Variants in DLG2 observed in about 807,000 individuals in gnomAD.
The protein encoded by DLG2 is disks large homolog 2.
Under a neutral mutation model 132.5 loss-of-function variants are expected in DLG2, and 45 were observed. The ratio of observed to expected loss-of-function variants is 0.34; its 90% CI spans 0.27 to 0.44. The LOEUF (loss-of-function observed/expected upper bound fraction) is 0.44, where lower values mean the gene tolerates loss of function less well. DLG2 is among the 20% of genes least tolerant of loss of function. The pLI is 1.00. For synonymous variants in DLG2, 424 were observed against 419.6 expected, an observed-to-expected ratio of 1.01 and a Z score of -0.13; for missense variants, 1,045 against 1,196.9, an observed-to-expected ratio of 0.87 and a Z score of 1.87.
intron 6 of DLG2, among the ~76,000 whole-genome samples, chr11:85,060,583 T>C (rs1237886703): frequency 6.6e-6 from 1 of 151,236 alleles, no homozygotes; most frequent in Non-Finnish European, 1.5e-5. Context: ...ACACCCCCAA[T>C]GGACATTTAG....
intron 6 of DLG2, among the ~76,000 whole-genome samples, chr11:84,553,677 G>T (rs1001904383): frequency 6.6e-6 from 1 of 152,192 alleles, no homozygotes; most frequent in African/African-American, 2.4e-5. Context: ...CCTCTCTTGA[G>T]ATTTAAGATG....
chr11:84,993,160 GA>G (rs2057306228), intron 6 of DLG2, among the ~76,000 whole-genome samples: 1 of 152,110 alleles, frequency 6.6e-6, no homozygotes, highest in Admixed American at 6.5e-5. Flanking sequence ...ACTAACAGAG[GA>G]ACAGAAAACC....
chr11:85,535,700 T>C (rs1015095791), intron 3 of DLG2, among the ~76,000 whole-genome samples: 1 of 152,156 alleles, frequency 6.6e-6, no homozygotes, highest in Admixed American at 6.5e-5. Flanking sequence ...ATAGCAGCAT[T>C]ATTCAAAATA....
intron 15 of DLG2, among the ~76,000 whole-genome samples, chr11:83,902,656 G>A (rs79351761): frequency 0.011 from 1,635 of 152,262 alleles, 9 homozygotes; most frequent in South Asian, 0.021. Flanking sequence ...CTTCCACTGT[G>A]TGGTCCCAGA....
intron 7 of DLG2, among the ~76,000 whole-genome samples, chr11:84,309,373 A>G (rs1338990042): frequency 6.6e-6 from 1 of 152,220 alleles, no homozygotes; most frequent in Non-Finnish European, 1.5e-5. Context: ...TCTGACAATA[A>G]TGACTCTACA....
chr11:84,522,740 C>G (rs1018425166), intron 7 of DLG2, among the ~76,000 whole-genome samples: 10 of 152,270 alleles, frequency 6.6e-5, no homozygotes, highest in African/African-American at 2.2e-4. Context: ...CCAATAGACG[C>G]ATTTAAAAAT....
Position 84,059,425 on chromosome 11 carries a change from T to G in DLG2, c.809A>C (p.Lys270Thr), listed in dbSNP as rs773545055. 1.2e-6 allele frequency: 2 copies of G among 1,613,370 alleles called. No individual in the cohort carries two copies. Among genetic ancestry groups the G allele is most frequent in the Admixed American group, 1.7e-5 (1 of 59,904 alleles). Residue 270 changes from lysine (K) to threonine (T), a missense_variant, in exon 11 of 28, where the codon AAA (lysine) becomes ACA (threonine). Lys to Thr is a moderately conservative substitution (Grantham distance 78). Transcript: ENST00000376104. ...EVDVSEVSHSKAVEALKEAGS... is the reference protein window; with the variant it reads ...EVDVSEVSHSTAVEALKEAGS... ...TGCTTCCTTCAGGGCTTCCACCGCT[T>G]TACTGTGGGAAACCTCTGACACATC...
At chr11:83,739,447 G>T (rs2092316991) in intron 18 of DLG2, among the ~76,000 whole-genome samples, 1 of 152,054 alleles carries the variant, frequency 6.6e-6, no homozygotes, top group Admixed American at 6.6e-5. Flanking sequence ...AGAAAAATAT[G>T]CATTGGAGCC....
At chr11:84,146,691 C>T (rs1310880965) in intron 9 of DLG2, among the ~76,000 whole-genome samples, 2 of 152,108 alleles carry the variant, frequency 1.3e-5, no homozygotes, top group East Asian at 1.9e-4. Context: ...TAAAGTACAA[C>T]TTCAAGATAC....
chr11:83,748,272 A>T (rs1401029916), intron 18 of DLG2, among the ~76,000 whole-genome samples: 2 of 152,200 alleles, frequency 1.3e-5, no homozygotes, highest in African/African-American at 4.8e-5. Context: ...CTAACTATCA[A>T]CCACACCTTG....
At chr11:83,466,328 C>T (rs1287382811) in intron 26 of DLG2, among the ~76,000 whole-genome samples, 1 of 152,090 alleles carries the variant, frequency 6.6e-6, no homozygotes, top group Non-Finnish European at 1.5e-5. Flanking sequence ...TGATTGCTTC[C>T]TATCATTTGG....
chr11:83,526,590 A>G (rs1181659282), intron 21 of DLG2, among the ~76,000 whole-genome samples: 3 of 152,160 alleles, frequency 2.0e-5, no homozygotes, highest in Non-Finnish European at 2.9e-5. Context: ...GCCCAGAGAA[A>G]ATCAACCTGG....
At chr11:85,466,769 C>T (rs1404888520) in intron 3 of DLG2, among the ~76,000 whole-genome samples, 3 of 152,084 alleles carry the variant, frequency 2.0e-5, no homozygotes, top group Non-Finnish European at 4.4e-5. Context: ...GTTATTTTGG[C>T]TTAGGATTGA....
chr11:84,535,566 G>A (rs551723868), intron 6 of DLG2, among the ~76,000 whole-genome samples: 1 of 152,262 alleles, frequency 6.6e-6, no homozygotes, highest in African/African-American at 2.4e-5. Flanking sequence ...AAAAAAAAAG[G>A]TTCAGGGTTA....
chr11:84,851,078 A>T (rs895069304), intron 6 of DLG2, among the ~76,000 whole-genome samples: 1 of 152,148 alleles, frequency 6.6e-6, no homozygotes, highest in Non-Finnish European at 1.5e-5. Flanking sequence ...ATTCAAAAAC[A>T]GAACATATCA....
At position 85,401,391 on chromosome 11, in the gene DLG2, G is replaced by A. The variant is rs563682085; in HGVS notation, c.41-116026C>T. On this transcript the variant is annotated intron_variant, in intron 3 of 27. Transcript: ENST00000376104. ...ACCCACAGCCAATATCGTACTGAAT[G>A]GCCAAAAGCTGGAAGAATTCCACTT... Among the ~76,000 whole-genome samples the A allele has an allele frequency of 1.3e-5, 2 of 152,238 alleles. 1 individual carries two copies. The highest frequency in any genetic ancestry group is 4.1e-4 in the South Asian group (2 of 4,828).
At chr11:85,487,935 C>T (rs902459065) in intron 3 of DLG2, among the ~76,000 whole-genome samples, 1 of 152,162 alleles carries the variant, frequency 6.6e-6, no homozygotes, top group African/African-American at 2.4e-5. Context: ...CCATAATTCC[C>T]ATGTGCTGTG....
At chr11:84,685,652 A>T (rs1185054595) in intron 6 of DLG2, among the ~76,000 whole-genome samples, 1 of 152,242 alleles carries the variant, frequency 6.6e-6, no homozygotes, top group Non-Finnish European at 1.5e-5. Context: ...GAAACATAGC[A>T]GAATTTCCAA....
chr11:84,885,357 G>C (rs1007196273), intron 6 of DLG2, among the ~76,000 whole-genome samples: 10 of 151,936 alleles, frequency 6.6e-5, no homozygotes, highest in African/African-American at 2.2e-4. Context: ...TTTAAGAGAT[G>C]GGGTCTTGCT....
Sources: allele counts gnomAD v4.1 joint callset (sites outside exome capture counted in the v4.1 genomes callset), GRCh38; gene constraint gnomAD v4.1.1; transcripts MANE v1.5; gene names NCBI Gene and HGNC (gene_info 2026-07-23, HGNC 2026-07-21).